Variants in STX8 observed in about 807,000 individuals in gnomAD.
STX8 encodes syntaxin 8, also known as syntaxin-8.
In STX8, 23 loss-of-function variants were observed where a neutral mutation model predicts 37.5. The observed-to-expected ratio is 0.61, with a 90% CI of 0.44 to 0.87. The LOEUF is 0.87. Among genes scored for constraint, STX8 ranks in the 40% least tolerant of loss-of-function variants. The probability of loss-of-function intolerance (pLI) is 0.00; values close to 1 mark genes in which losing one functional copy is unlikely to be tolerated. For synonymous variants in STX8, 115 were observed against 99.1 expected (o/e 1.16, Z -0.95); for missense variants, 313 against 284.7 (o/e 1.10, Z -0.71).
At chr17:9,475,239 T>G (rs148897830) in intron 6 of STX8, among the ~76,000 whole-genome samples, 1 of 152,326 alleles carries the variant, frequency 6.6e-6, no homozygotes, top group Non-Finnish European at 1.5e-5. Context: ...GACATCATTT[T>G]GGAGATTCTC....
intron 6 of STX8, among the ~76,000 whole-genome samples, chr17:9,472,803 G>C (rs574339396): frequency 3.9e-5 from 6 of 152,274 alleles, no homozygotes; most frequent in African/African-American, 1.4e-4. Flanking sequence ...TCCTTGACAA[G>C]TGTTTCCACA....
intron 7 of STX8, among the ~76,000 whole-genome samples, chr17:9,287,349 G>A (rs1350939742): frequency 6.6e-6 from 1 of 152,154 alleles, no homozygotes; most frequent in African/African-American, 2.4e-5. Flanking sequence ...CACACAATCA[G>A]GCAAACTACC....
chr17:9,403,346 G>A (rs2142322501), intron 6 of STX8, among the ~76,000 whole-genome samples: 1 of 152,306 alleles, frequency 6.6e-6, no homozygotes, highest in Admixed American at 6.5e-5. Flanking sequence ...TCTAATTGCA[G>A]TACACACCAT....
At chr17:9,279,527 T>C (rs1402462290) in intron 7 of STX8, among the ~76,000 whole-genome samples, 1 of 152,194 alleles carries the variant, frequency 6.6e-6, no homozygotes, top group Non-Finnish European at 1.5e-5. Flanking sequence ...CTCGAACATA[T>C]AGTCATAACA....
intron 5 of STX8, among the ~76,000 whole-genome samples, chr17:9,493,317 C>T (rs958080521): frequency 5.9e-5 from 9 of 152,248 alleles, no homozygotes; most frequent in East Asian, 1.9e-4. Context: ...ACCAAGGCTG[C>T]TTGAATACTT....
intron 7 of STX8, among the ~76,000 whole-genome samples, chr17:9,366,012 G>T (rs1218065184): frequency 6.6e-6 from 1 of 151,998 alleles, no homozygotes; most frequent in Non-Finnish European, 1.5e-5. Context: ...GACAGAGGAA[G>T]AGGGAAAAAA....
At chr17:9,376,867 A>C (rs1381852874) in intron 7 of STX8, among the ~76,000 whole-genome samples, 2 of 152,238 alleles carry the variant, frequency 1.3e-5, no homozygotes, top group East Asian at 3.8e-4. Flanking sequence ...GAAGGAACCA[A>C]TTCCGGACAC....
At chr17:9,494,597 C>A (rs866471574) in intron 5 of STX8, among the ~76,000 whole-genome samples, 91 of 94,054 alleles carry the variant, frequency 9.7e-4, no homozygotes, top group African/African-American at 3.4e-3. Context: ...GCCTGGGTAA[C>A]AGAGTGAGAA....
Position 9,480,014 on chromosome 17 carries a change from A to G in STX8, c.541+11815T>C, listed in dbSNP as rs568022495. On this transcript the variant is annotated intron_variant, in intron 6 of 7. Coordinates refer to ENST00000306357, the MANE Select transcript of STX8 (RefSeq NM_004853.3). ...CTTTTCATACAGGTAACTGCTGTTT[A>G]TCCTTTTCAATCTGTTCAAATATCA... Among the ~76,000 whole-genome samples the G allele has an allele frequency of 2.2e-4, 33 of 152,272 alleles. No homozygotes were observed. In the South Asian group the frequency reaches 6.4e-3, roughly 30 times the overall value.
At chr17:9,345,649 A>T (rs1487504991) in intron 7 of STX8, among the ~76,000 whole-genome samples, 3 of 151,556 alleles carry the variant, frequency 2.0e-5, no homozygotes, top group Non-Finnish European at 4.4e-5. Context: ...CACATTGTGG[A>T]ATGATTATAT....
intron 4 of STX8, among the ~76,000 whole-genome samples, chr17:9,508,427 A>G (rs1597715836): frequency 6.6e-6 from 1 of 152,292 alleles, no homozygotes; most frequent in East Asian, 1.9e-4. Context: ...CCTGGGCTCA[A>G]GTGATTCTCC....
chr17:9,408,457 A>G (rs552997770), intron 6 of STX8, among the ~76,000 whole-genome samples: 1 of 152,340 alleles, frequency 6.6e-6, no homozygotes, highest in South Asian at 2.1e-4. Context: ...ACCCTGGGTT[A>G]TGAATCAGTC....
chr17:9,468,703 GC>G (rs35885983), intron 6 of STX8, among the ~76,000 whole-genome samples: 37,274 of 152,084 alleles, frequency 0.25, 4,863 homozygotes, highest in South Asian at 0.34. Flanking sequence ...AGGGCATAGA[GC>G]TGCCCTGCCC....
At chr17:9,319,910 A>G (rs2142202885) in intron 7 of STX8, among the ~76,000 whole-genome samples, 1 of 152,226 alleles carries the variant, frequency 6.6e-6, no homozygotes, top group East Asian at 1.9e-4. Flanking sequence ...AGATCTTGCC[A>G]TTGCACTCTA....
intron 3 of STX8, among the ~76,000 whole-genome samples, chr17:9,550,982 G>A (rs1906738148): frequency 6.6e-6 from 1 of 152,222 alleles, no homozygotes; most frequent in East Asian, 1.9e-4. Flanking sequence ...GGCTGGGGTA[G>A]GAGAATCGCT....
intron 6 of STX8, among the ~76,000 whole-genome samples, chr17:9,412,971 A>C (rs988879893): frequency 6.6e-6 from 1 of 152,198 alleles, no homozygotes; most frequent in Non-Finnish European, 1.5e-5. Context: ...GAAAAGTTGC[A>C]ATAGGACAAA....
In STX8 at chr17:9,436,624, A is replaced by G. The variant is rs551521520; in HGVS notation, c.541+55205T>C. Among the ~76,000 whole-genome samples the G allele has an allele frequency of 1.1e-4, 16 of 152,374 alleles. 1 individual carries two copies. The highest frequency in any genetic ancestry group is 3.9e-4 in the Admixed American group (6 of 15,306). On this transcript the variant is annotated intron_variant, in intron 6 of 7. Transcript: ENST00000306357. Reference sequence around the variant, plus strand: ...GATAACAATTACGACCACGATCAACATAACATGGTGGATGATGAAGAGCTG... The same window carrying G: ...GATAACAATTACGACCACGATCAACGTAACATGGTGGATGATGAAGAGCTG...
At chr17:9,406,489 C>T (rs138972418) in intron 6 of STX8, among the ~76,000 whole-genome samples, 55 of 152,312 alleles carry the variant, frequency 3.6e-4, no homozygotes, top group African/African-American at 1.2e-3. Context: ...ACTACATTAT[C>T]ACAGTATGCT....
At chr17:9,557,635 G>T in intron 2 of STX8, 107 bp from the exon 3 acceptor site, 1 of 943,504 alleles carries the variant, frequency 1.1e-6, no homozygotes, top group South Asian at 1.4e-5. Flanking sequence ...CCAAGCAAGG[G>T]CTGGAAGAGA....
Sources: gnomAD v4.1 joint callset for allele counts (sites outside exome capture counted in the v4.1 genomes callset) on GRCh38, gnomAD v4.1.1 for gene constraint, MANE v1.5 for transcripts, NCBI Gene and HGNC (gene_info 2026-07-23, HGNC 2026-07-21) for gene names.